KANSL2: variants seen among roughly 807,000 people sequenced by gnomAD.
The protein encoded by KANSL2 is NSL complex protein NSL2.
In KANSL2, 34 loss-of-function variants were observed where a neutral mutation model predicts 55.6. The ratio of observed to expected loss-of-function variants is 0.61; its 90% CI spans 0.46 to 0.81. The LOEUF (loss-of-function observed/expected upper bound fraction) is 0.81. KANSL2 is among the 40% of genes least tolerant of loss of function. The pLI is 0.00. For synonymous variants in KANSL2, 209 were observed against 214.3 expected, an observed-to-expected ratio of 0.98 and a Z score of 0.22; for missense variants, 502 against 609.9, an observed-to-expected ratio of 0.82 and a Z score of 1.86.
intron 7 of KANSL2, among the ~76,000 whole-genome samples, chr12:48,664,008 G>A (rs1398140593): frequency 3.5e-5 from 5 of 142,026 alleles, no homozygotes; most frequent in East Asian, 2.4e-4. Context: ...TCCGCCTTCC[G>A]GGTTCAAGCG....
chr12:48,662,942 C>A (rs1939516009), intron 7 of KANSL2, among the ~76,000 whole-genome samples: 2 of 152,116 alleles, frequency 1.3e-5, no homozygotes, highest in South Asian at 4.2e-4. Context: ...ACACCATGCA[C>A]AAATTATCAC....
intron 7 of KANSL2, among the ~76,000 whole-genome samples, chr12:48,664,408 T>C (rs1271366041): frequency 6.7e-6 from 1 of 148,424 alleles, no homozygotes; most frequent in Non-Finnish European, 1.5e-5. Context: ...GCCTCTTCAG[T>C]AGCTGGGACT....
rs61942052 is a variant in KANSL2, at chr12:48,682,200, C to A, written c.-23G>T. On this transcript the variant is annotated 5_prime_UTR_variant, in exon 1 of 10. Coordinates refer to ENST00000420613, the MANE Select transcript of KANSL2 (RefSeq NM_017822.4). Reference sequence around the variant, plus strand: ...CCGCCATCTTACCTCAGGAGCTGCGCTGCGCCGCACTCTGCCGCGCCGCTC... The same window carrying A: ...CCGCCATCTTACCTCAGGAGCTGCGATGCGCCGCACTCTGCCGCGCCGCTC... 319 of 671,002 alleles carry A rather than the reference C, an allele frequency of 4.8e-4. 5 individuals are homozygous for A. In the South Asian group the frequency reaches 4.8e-3, roughly 10 times the overall value. The allele number at this position is 671,002 out of a possible 1,614,324, so 41.6% of individuals were successfully genotyped here.
intron 3 of KANSL2, 176 bp from the exon 4 acceptor site, chr12:48,679,326 G>A (rs1939879717): frequency 3.0e-6 from 2 of 671,064 alleles, no homozygotes; most frequent in East Asian, 2.7e-5. Context: ...TACAACCCAA[G>A]TAAGATTACT....
chr12:48,680,798 G>A (rs1422422448), intron 2 of KANSL2, among the ~76,000 whole-genome samples: 2 of 150,540 alleles, frequency 1.3e-5, no homozygotes, highest in African/African-American at 4.9e-5. Context: ...CCAACATGGT[G>A]AAACCCCGTC....
At chr12:48,654,246 T>C in intron 9 of KANSL2, 71 bp from the exon 10 acceptor site, 1 of 1,462,462 alleles carries the variant, frequency 6.8e-7, no homozygotes. Context: ...ATCTGACTTA[T>C]CAGTGGCCAC....
intron 4 of KANSL2, among the ~76,000 whole-genome samples, chr12:48,672,427 A>ATT (rs1178882750): frequency 1.5e-4 from 16 of 107,798 alleles, no homozygotes; most frequent in South Asian, 5.3e-4. Context: ...ATATATATAT[A>ATT]TATATATTTT....
chr12:48,673,161 T>G (rs904913580), intron 4 of KANSL2, among the ~76,000 whole-genome samples: 1 of 152,180 alleles, frequency 6.6e-6, no homozygotes, highest in Non-Finnish European at 1.5e-5. Context: ...GCTAATTTTC[T>G]TGACAATATT....
intron 7 of KANSL2, among the ~76,000 whole-genome samples, chr12:48,664,340 C>CA (rs1939548732): frequency 6.9e-6 from 1 of 145,882 alleles, no homozygotes; most frequent in Non-Finnish European, 1.5e-5. Flanking sequence ...TGCAGTGGCG[C>CA]AAAACCTCAG....
intron 4 of KANSL2, among the ~76,000 whole-genome samples, chr12:48,675,663 C>A (rs146685751): frequency 2.0e-5 from 3 of 152,164 alleles, no homozygotes; most frequent in Non-Finnish European, 4.4e-5. Flanking sequence ...GAAGCCATTA[C>A]TATTAGAAGT....
rs768251898 is a variant in KANSL2, at chr12:48,655,204, G to A, written c.1228-144C>T. The A allele has an allele frequency of 6.9e-5, 48 of 691,654 alleles. No individual in the cohort carries two copies. The South Asian group carries it at 9.2e-4, about 13-fold the overall frequency. The allele number at this position is 691,654 out of a possible 1,614,324, so 42.8% of individuals were successfully genotyped here. A position where few individuals can be genotyped will look rare whatever the true frequency, so the allele number is the denominator to read the frequency against. On this transcript the variant is annotated intron_variant, in intron 8 of 9. Coordinates refer to ENST00000420613, the MANE Select transcript of KANSL2 (RefSeq NM_017822.4). ...AATAAAAAAAAAATTTTACAAGAGC[G>A]TCCAACAAATGAAACAAGATCCAAA...
At chr12:48,657,246 G>A (rs1004901847) in intron 8 of KANSL2, among the ~76,000 whole-genome samples, 10 of 152,000 alleles carry the variant, frequency 6.6e-5, no homozygotes, top group Non-Finnish European at 1.3e-4. Flanking sequence ...CCAACATGGT[G>A]AAACCCCATC....
intron 4 of KANSL2, among the ~76,000 whole-genome samples, chr12:48,673,288 G>A (rs968371922): frequency 1.3e-5 from 2 of 152,054 alleles, no homozygotes; most frequent in African/African-American, 2.4e-5. Flanking sequence ...GGCCAGGCAC[G>A]GTGGCTCACA....
Position 48,653,980 on chromosome 12 carries a change from C to T in KANSL2, c.*64G>A. 1 of 1,467,084 alleles carries T rather than the reference C, an allele frequency of 6.8e-7. No homozygotes were observed. The highest frequency in any genetic ancestry group is 1.4e-5 in the African/African-American group (1 of 70,572). The allele number at this position is 1,467,084 out of a possible 1,614,324, so 90.9% of individuals were successfully genotyped here. A position where few individuals can be genotyped will look rare whatever the true frequency, so the allele number is the denominator to read the frequency against. On this transcript the variant is annotated 3_prime_UTR_variant, in exon 10 of 10. Transcript: ENST00000420613. ...TTGCCTGTGTTTTGTGAGAGATGAT[C>T]AGAAATACTTCTTTGAAGAACGAGA...
intron 4 of KANSL2, among the ~76,000 whole-genome samples, chr12:48,676,217 T>C (rs1679496739): frequency 6.6e-6 from 1 of 152,136 alleles, no homozygotes; most frequent in Admixed American, 6.5e-5. Context: ...ATCCTCCTAC[T>C]TGAGCCTCTC....
rs563494126 is a variant in KANSL2, at chr12:48,678,457, A to T, written c.545+579T>A. ...TGAATACCTTTTTATTCTTCTTTTT[A>T]AAAAAAAAATCCACACACAAAAAAA... On this transcript the variant is annotated intron_variant, in intron 4 of 9. Coordinates refer to ENST00000420613, the MANE Select transcript of KANSL2 (RefSeq NM_017822.4). Among the ~76,000 whole-genome samples the T allele has an allele frequency of 2.7e-3, 408 of 150,316 alleles. 2 individuals carry two copies. Among genetic ancestry groups the T allele is most frequent in the African/African-American group, 9.2e-3 (378 of 40,968 alleles).
chr12:48,681,314 G>A lies in KANSL2; in HGVS notation c.251+68C>T. On this transcript the variant is annotated intron_variant, in intron 2 of 9. Coordinates refer to ENST00000420613, the MANE Select transcript of KANSL2 (RefSeq NM_017822.4). Reference sequence around the variant, plus strand: ...AAATCTCAAACGCGGCAGCTATGCTGAAGCCCGCATCATATCACATACCCC... The same window carrying A: ...AAATCTCAAACGCGGCAGCTATGCTAAAGCCCGCATCATATCACATACCCC... The A allele has an allele frequency of 2.0e-6, 3 of 1,512,770 alleles. No homozygotes were observed. In the South Asian group the frequency reaches 4.0e-5, roughly 20 times the overall value. 93.7% of individuals were successfully genotyped at this position (1,512,770 alleles called of 1,614,324 possible). A position where few individuals can be genotyped will look rare whatever the true frequency, so the allele number is the denominator to read the frequency against.
At chr12:48,660,269 TC>T in intron 8 of KANSL2, 96 bp downstream of exon 8, 2 of 1,305,596 alleles carry the variant, frequency 1.5e-6, no homozygotes, top group Non-Finnish European at 2.1e-6. Context: ...AAAAACTTTG[TC>T]GATTCTCCTA....
At chr12:48,656,925 T>C in intron 8 of KANSL2, 1 of 279,836 alleles carries the variant, frequency 3.6e-6, no homozygotes, top group Admixed American at 4.7e-5. Context: ...AGTTTATAGA[T>C]GCTCCGTGTT....
Sources: allele counts gnomAD v4.1 joint callset (sites outside exome capture counted in the v4.1 genomes callset), GRCh38; gene constraint gnomAD v4.1.1; transcripts MANE v1.5; gene names NCBI Gene and HGNC (gene_info 2026-07-23, HGNC 2026-07-21).